The following POFUT3 variants were observed in gnomAD, a reference collection of about 807,000 sequenced individuals.
POFUT3 encodes the protein protein O-fucosyltransferase 3, also known as GDP-fucose protein O-fucosyltransferase 3.
the POFUT3 span, among the ~76,000 whole-genome samples, chr8:33,348,231 A>T: frequency 6.6e-6 from 1 of 152,100 alleles, no homozygotes; most frequent in African/African-American, 2.4e-5. Context: ...GATGAATGCT[A>T]CATAGTCCAG....
At chr8:33,341,366 C>T in the POFUT3 span, among the ~76,000 whole-genome samples, 4 of 147,380 alleles carry the variant, frequency 2.7e-5, no homozygotes, top group South Asian at 2.1e-4. Context: ...ACCCAGGAAG[C>T]GGAGGTTGCA....
chr8:33,428,184 C>A, the POFUT3 span, among the ~76,000 whole-genome samples: 2 of 152,120 alleles, frequency 1.3e-5, no homozygotes, highest in Non-Finnish European at 2.9e-5. Context: ...GTTCTTTTCC[C>A]AATACCTAAG....
At chr8:33,373,219 G>A in the POFUT3 span, among the ~76,000 whole-genome samples, 5 of 151,896 alleles carry the variant, frequency 3.3e-5, no homozygotes, top group South Asian at 2.1e-4. Flanking sequence ...GCATGTAAGC[G>A]TATTCGAATA....
At chr8:33,338,334 ACCAACAC>A in the POFUT3 span, among the ~76,000 whole-genome samples, 1 of 151,982 alleles carries the variant, frequency 6.6e-6, no homozygotes, top group East Asian at 1.9e-4. Flanking sequence ...TTTAATTAAC[ACCAACAC>A]TTCTCAAACT....
chr8:33,333,341 G>A, the POFUT3 span, among the ~76,000 whole-genome samples: 10 of 152,322 alleles, frequency 6.6e-5, no homozygotes, highest in African/African-American at 2.2e-4. Context: ...GTCAGACCAT[G>A]TAGTGGGGTT....
the POFUT3 span, among the ~76,000 whole-genome samples, chr8:33,407,576 A>G: frequency 6.6e-6 from 1 of 152,218 alleles, no homozygotes; most frequent in Non-Finnish European, 1.5e-5. Context: ...AATTATAGAG[A>G]ATGTTAAAAA....
the POFUT3 span, chr8:33,372,769 G>C: frequency 5.6e-6 from 9 of 1,613,752 alleles, no homozygotes; most frequent in South Asian, 5.5e-5. Context: ...AACTCAGGTG[G>C]GTATCTTCTG....
chr8:33,439,464 A>T, the POFUT3 span, among the ~76,000 whole-genome samples: 3 of 152,154 alleles, frequency 2.0e-5, no homozygotes, highest in Non-Finnish European at 4.4e-5. Context: ...TCTCCGTGGG[A>T]AAGTCAGAGG....
At chr8:33,387,280 C>T in the POFUT3 span, among the ~76,000 whole-genome samples, 4 of 152,046 alleles carry the variant, frequency 2.6e-5, no homozygotes, top group South Asian at 8.3e-4. Flanking sequence ...AACAGTTATA[C>T]AAAACAAGAA....
At chr8:33,310,378 G>T in the POFUT3 span, among the ~76,000 whole-genome samples, 1 of 152,152 alleles carries the variant, frequency 6.6e-6, no homozygotes, top group African/African-American at 2.4e-5. Flanking sequence ...TCTGTCCACA[G>T]ATGTGTTCTC....
At chr8:33,442,290 CT>C in the POFUT3 span, among the ~76,000 whole-genome samples, 8 of 125,038 alleles carry the variant, frequency 6.4e-5, no homozygotes, top group South Asian at 2.7e-4. Context: ...TTTTCTTTCT[CT>C]TTTTTTTTTG....
At chr8:33,333,606 G>T in the POFUT3 span, among the ~76,000 whole-genome samples, 2 of 135,940 alleles carry the variant, frequency 1.5e-5, no homozygotes, top group South Asian at 3.1e-4. Context: ...GAGAGCAAAT[G>T]GAATAGGCAA....
the POFUT3 span, among the ~76,000 whole-genome samples, chr8:33,393,065 G>A: frequency 0.044 from 6,678 of 152,180 alleles, 308 homozygotes; most frequent in African/African-American, 0.11. Flanking sequence ...GAACATAAGT[G>A]TCAATATTGA....
the POFUT3 span, among the ~76,000 whole-genome samples, chr8:33,354,693 C>T: frequency 6.6e-6 from 1 of 152,136 alleles, no homozygotes; most frequent in Non-Finnish European, 1.5e-5. Context: ...GCCCAGTCAA[C>T]TTGGCATATA....
chr8:33,418,265 C>A, the POFUT3 span, among the ~76,000 whole-genome samples: 3 of 152,150 alleles, frequency 2.0e-5, no homozygotes, highest in African/African-American at 7.2e-5. Context: ...TGAACCATAG[C>A]ACAGCCTCCA....
At chr8:33,370,754 T>C in the POFUT3 span, 1 of 152,228 alleles carries the variant, frequency 6.6e-6, no homozygotes, top group Non-Finnish European at 1.5e-5. Flanking sequence ...ATCATGATAA[T>C]ACCTTGCCAG....
At chr8:33,318,763 GTA>G in the POFUT3 span, among the ~76,000 whole-genome samples, 1 of 27,494 alleles carries the variant, frequency 3.6e-5, no homozygotes, top group Non-Finnish European at 4.9e-5. Flanking sequence ...TAAATATATT[GTA>G]TATATATTTT....
chr8:33,379,332 T>C, the POFUT3 span, among the ~76,000 whole-genome samples: 3 of 151,692 alleles, frequency 2.0e-5, no homozygotes, highest in Non-Finnish European at 2.9e-5. Context: ...GGCATGTCCA[T>C]TGCCATACAT....
At chr8:33,412,186 G>C in the POFUT3 span, among the ~76,000 whole-genome samples, 2 of 152,120 alleles carry the variant, frequency 1.3e-5, no homozygotes, top group African/African-American at 4.8e-5. Context: ...AAACCCACGG[G>C]CTTTGAAATC....
Sources: gnomAD v4.1 joint callset for allele counts (sites outside exome capture counted in the v4.1 genomes callset) on GRCh38, gnomAD v4.1.1 for gene constraint, MANE v1.5 for transcripts, NCBI Gene and HGNC (gene_info 2026-07-23, HGNC 2026-07-21) for gene names.